FRMD4B: variants seen among roughly 807,000 people sequenced by gnomAD.
FRMD4B encodes the protein FERM domain-containing protein 4B.
In FRMD4B, 74 loss-of-function variants were observed where a neutral mutation model predicts 141.5. The ratio of observed to expected loss-of-function variants is 0.52; its 90% CI spans 0.43 to 0.63. FRMD4B has a LOEUF of 0.63. FRMD4B is among the 30% of genes least tolerant of loss of function. The pLI is 0.00. For synonymous variants in FRMD4B, 506 were observed against 467.9 expected, an observed-to-expected ratio of 1.08 and a Z score of -1.05; for missense variants, 1,366 against 1,253.4, an observed-to-expected ratio of 1.09 and a Z score of -1.36.
intron 1 of FRMD4B, among the ~76,000 whole-genome samples, chr3:69,335,268 T>C (rs747521857): frequency 1.3e-5 from 2 of 151,972 alleles, no homozygotes; most frequent in African/African-American, 2.4e-5. Flanking sequence ...TTGGCAGATC[T>C]GAGAAAAGCA....
chr3:69,511,520 T>C (rs1052904024), intron 1 of FRMD4B, among the ~76,000 whole-genome samples: 4 of 152,132 alleles, frequency 2.6e-5, no homozygotes, highest in African/African-American at 7.2e-5. Flanking sequence ...GTGGTGGCCA[T>C]GGAAACACAA....
chr3:69,415,129 G>T lies in FRMD4B; in HGVS notation c.-1+17505C>A, dbSNP rs149795124. On this transcript the variant is annotated intron_variant, in intron 2 of 5. Coordinates refer to the FRMD4B transcript ENST00000459638. ...TCTACCCGCCTTGGCCTCCCAAAGT[G>T]CTGGGATTACAGGCATGAGCGACTG... Among the ~76,000 whole-genome samples, 7 of 152,256 alleles carry T rather than the reference G, an allele frequency of 4.6e-5. No individual in the cohort carries two copies. The East Asian group carries it at 1.4e-3, about 29-fold the overall frequency.
At chr3:69,335,574 C>T (rs1702518824) in intron 1 of FRMD4B, among the ~76,000 whole-genome samples, 1 of 151,652 alleles carries the variant, frequency 6.6e-6, no homozygotes, top group Non-Finnish European at 1.5e-5. Context: ...CCTCGGCTTC[C>T]CAAAGTGTTG....
At chr3:69,290,518 C>G (rs977371371) in intron 4 of FRMD4B, among the ~76,000 whole-genome samples, 3 of 152,156 alleles carry the variant, frequency 2.0e-5, no homozygotes, top group African/African-American at 7.2e-5. Context: ...TTCCAAGAAC[C>G]TTCCAGTTCA....
intron 1 of FRMD4B, among the ~76,000 whole-genome samples, chr3:69,438,567 T>G (rs927908318): frequency 7.9e-5 from 12 of 152,166 alleles, no homozygotes; most frequent in African/African-American, 2.9e-4. Context: ...CTGGCTTGCT[T>G]AGGTGACAAT....
chr3:69,183,927 G>A (rs186350200), intron 19 of FRMD4B, among the ~76,000 whole-genome samples: 15 of 151,798 alleles, frequency 9.9e-5, no homozygotes, highest in African/African-American at 3.1e-4. Context: ...ATGGAGTCTC[G>A]CTCTGTCATC....
At position 69,171,558 on chromosome 3, in the gene FRMD4B, C is replaced by T. The variant is rs1575574898; in HGVS notation, c.*303G>A. On this transcript the variant is annotated 3_prime_UTR_variant, in exon 23 of 23. Transcript: ENST00000398540. ...GGTTTGCCTTTAACAACTTTTACTC[C>T]CTTAAAAAGTGCTTGCTATTGATGA... is the stretch of plus-strand genomic sequence containing the variant. 4.4e-6 allele frequency: 1 copy of T among 225,068 alleles called. No individual in the cohort carries two copies. The allele number at this position is 225,068 out of a possible 1,614,324, so 13.9% of individuals were successfully genotyped here. A position where few individuals can be genotyped will look rare whatever the true frequency, so the allele number is the denominator to read the frequency against.
At chr3:69,235,932 G>C (rs1207284941) in intron 7 of FRMD4B, among the ~76,000 whole-genome samples, 1 of 152,164 alleles carries the variant, frequency 6.6e-6, no homozygotes, top group East Asian at 1.9e-4. Flanking sequence ...CAGGAAATAG[G>C]GAAGGAGCAG....
At chr3:69,473,075 T>C (rs748755090) in intron 1 of FRMD4B, among the ~76,000 whole-genome samples, 24 of 151,978 alleles carry the variant, frequency 1.6e-4, no homozygotes, top group Non-Finnish European at 2.8e-4. Context: ...CTCCTTATGA[T>C]TGTAAATTGA....
At chr3:69,175,769 C>CTTTTTTTTTTTT (rs141059202) in intron 22 of FRMD4B, among the ~76,000 whole-genome samples, 1 of 88,114 alleles carries the variant, frequency 1.1e-5, no homozygotes, top group African/African-American at 3.8e-5. Flanking sequence ...CTTTTCTTCT[C>CTTTTTTTTTTTT]TTTTTTTTTT....
chr3:69,403,022 A>G, intron 2 of FRMD4B, among the ~76,000 whole-genome samples: 1 of 152,210 alleles, frequency 6.6e-6, no homozygotes, highest in Non-Finnish European at 1.5e-5. Flanking sequence ...TGGAACATCC[A>G]GGAGGATATG....
At chr3:69,385,505 T>C (rs918211180) in intron 1 of FRMD4B, among the ~76,000 whole-genome samples, 2 of 152,156 alleles carry the variant, frequency 1.3e-5, no homozygotes, top group Admixed American at 6.5e-5. Flanking sequence ...CTCATTTGAA[T>C]GTCTAAGTGG....
At chr3:69,183,825 T>G (rs941708298) in intron 19 of FRMD4B, among the ~76,000 whole-genome samples, 1 of 152,034 alleles carries the variant, frequency 6.6e-6, no homozygotes, top group Non-Finnish European at 1.5e-5. Flanking sequence ...GATCAAATTT[T>G]ACTTACTACA....
chr3:69,467,801 T>TGCTA, intron 1 of FRMD4B, among the ~76,000 whole-genome samples: 1 of 152,182 alleles, frequency 6.6e-6, no homozygotes, highest in African/African-American at 2.4e-5. Context: ...ACAGAATCCA[T>TGCTA]GCTAGGTAAA....
chr3:69,251,527 A>T (rs1316897423), intron 5 of FRMD4B, among the ~76,000 whole-genome samples: 1 of 152,248 alleles, frequency 6.6e-6, no homozygotes, highest in Non-Finnish European at 1.5e-5. Context: ...TTACAATGCC[A>T]GCAGTGATAA....
At chr3:69,515,815 G>A (rs1351801687) in intron 1 of FRMD4B, among the ~76,000 whole-genome samples, 1 of 152,174 alleles carries the variant, frequency 6.6e-6, no homozygotes, top group Non-Finnish European at 1.5e-5. Context: ...AAATAAGATT[G>A]CTAAATTAGA....
intron 11 of FRMD4B, 83 bp downstream of exon 11, chr3:69,216,180 C>T: frequency 7.6e-6 from 6 of 792,188 alleles, no homozygotes; most frequent in Non-Finnish European, 1.1e-5. Flanking sequence ...ACCCCAACAA[C>T]CTAATGGTGT....
chr3:69,420,964 C>T (rs1385494846), intron 2 of FRMD4B, among the ~76,000 whole-genome samples: 1 of 152,180 alleles, frequency 6.6e-6, no homozygotes, highest in Non-Finnish European at 1.5e-5. Context: ...AAGTCAGGGA[C>T]GGAGAGGGCC....
At chr3:69,286,524 T>A (rs1200811381) in intron 5 of FRMD4B, among the ~76,000 whole-genome samples, 1 of 152,138 alleles carries the variant, frequency 6.6e-6, no homozygotes, top group Non-Finnish European at 1.5e-5. Flanking sequence ...TTATAGCTAA[T>A]AATCCAACAA....
Sources: allele counts gnomAD v4.1 joint callset (sites outside exome capture counted in the v4.1 genomes callset), GRCh38; gene constraint gnomAD v4.1.1; transcripts MANE v1.5; gene names NCBI Gene and HGNC (gene_info 2026-07-23, HGNC 2026-07-21).